The following CYTIP variants were observed in gnomAD, a reference collection of about 807,000 sequenced individuals.
The protein encoded by CYTIP is cytohesin-interacting protein.
A neutral mutation model predicts 43.8 loss-of-function variants in CYTIP; 26 were observed. That is an observed-to-expected ratio of 0.59 (90% CI 0.44 to 0.82). The LOEUF is 0.82. Among genes scored for constraint, CYTIP ranks in the 40% least tolerant of loss-of-function variants. CYTIP has a pLI of 0.00. For synonymous variants in CYTIP, 162 were observed against 162.9 expected (o/e 0.99, Z 0.04); for missense variants, 426 against 443.1 (o/e 0.96, Z 0.35).
chr2:157,435,789 T>G (rs1053169308), intron 1 of CYTIP, among the ~76,000 whole-genome samples: 1 of 152,180 alleles, frequency 6.6e-6, no homozygotes, highest in African/African-American at 2.4e-5. Flanking sequence ...GATCAATGCA[T>G]AGTCAGTCCA....
intron 6 of CYTIP, among the ~76,000 whole-genome samples, chr2:157,423,280 C>T (rs1244339744): frequency 6.6e-6 from 1 of 151,214 alleles, no homozygotes; most frequent in African/African-American, 2.4e-5. Context: ...AATAGAAAAT[C>T]CCGTAGAGAA....
At position 157,430,629 on chromosome 2, in the gene CYTIP, C is replaced by T; in HGVS notation, c.406G>A (p.Gly136Ser). 2 of 1,614,114 alleles carry T rather than the reference C, an allele frequency of 1.2e-6. No individual in the cohort carries two copies. Among genetic ancestry groups the T allele is most frequent in the Non-Finnish European group, 1.7e-6 (2 of 1,180,000 alleles). The change falls in exon 5 of 8, where the codon GGT becomes AGT. Residue 136 changes from glycine to serine, a missense_variant. By Grantham distance (56) the Gly-to-Ser change is moderately conservative (BLOSUM62 0). Coordinates refer to ENST00000264192, the MANE Select transcript of CYTIP (RefSeq NM_004288.5). The stretch of plus-strand genomic sequence containing the variant: ...TAGGTAAAACCTTCTGTGCTCACAC[C>T]ATTGATATTTGCAAGGACATCACCT... ...QAGDVLANIN[G>S]VSTEGFTYKQ...
At chr2:157,424,646 C>A (rs543558282) in intron 6 of CYTIP, among the ~76,000 whole-genome samples, 2 of 152,180 alleles carry the variant, frequency 1.3e-5, no homozygotes, top group Non-Finnish European at 2.9e-5. Flanking sequence ...GCTATGATCA[C>A]GTTGCTGCAC....
chr2:157,441,173 G>A (rs980653220), intron 1 of CYTIP, among the ~76,000 whole-genome samples: 2 of 152,172 alleles, frequency 1.3e-5, no homozygotes, highest in Admixed American at 6.5e-5. Flanking sequence ...AGCTGTTGAC[G>A]TCAGCCCTGA....
chr2:157,421,023 A>G (rs1321283709), intron 6 of CYTIP, among the ~76,000 whole-genome samples: 1 of 152,232 alleles, frequency 6.6e-6, no homozygotes, highest in African/African-American at 2.4e-5. Flanking sequence ...TGACCCAGTC[A>G]TTTCAGTATG....
intron 6 of CYTIP, among the ~76,000 whole-genome samples, chr2:157,420,227 C>T (rs1474797702): frequency 6.6e-6 from 1 of 152,056 alleles, no homozygotes; most frequent in Non-Finnish European, 1.5e-5. Context: ...TCTTAAGAGG[C>T]CGAGGAGGCT....
intron 1 of CYTIP, among the ~76,000 whole-genome samples, chr2:157,438,175 A>G (rs943751894): frequency 2.6e-5 from 4 of 152,250 alleles, no homozygotes; most frequent in Non-Finnish European, 2.9e-5. Flanking sequence ...TATATACACC[A>G]TGGAATACAA....
chr2:157,443,846 C>A lies in CYTIP; in HGVS notation c.174+1G>T, dbSNP rs1445595356. ...TAAAGGGTACAAAATAGCAATCATA[C>A]CTGCTTTCGTCCCCGAGGCAGAGTA... On this transcript the variant is annotated splice_donor_variant, in intron 1 of 7. Transcript: ENST00000264192. LOFTEE classifies it high-confidence loss of function. The A allele has an allele frequency of 1.2e-6, 2 of 1,613,724 alleles. No individual in the cohort carries two copies. The highest frequency in any genetic ancestry group is 2.7e-5 in the African/African-American group (2 of 74,884).
In CYTIP at chr2:157,418,517, A is replaced by G. The variant is rs763104365; in HGVS notation, c.613+6T>C. ...GTGTGGTTTCTGAACAGGAAATTGCATTTACCATGAAGCAGACGATGTTCC... is the reference window on the plus strand; with the variant it reads ...GTGTGGTTTCTGAACAGGAAATTGCGTTTACCATGAAGCAGACGATGTTCC... On this transcript the variant is annotated splice_donor_region_variant and intron_variant, in intron 7 of 7. Transcript: ENST00000264192. 1.1e-5 allele frequency: 17 copies of G among 1,586,942 alleles called. No individual in the cohort carries two copies. In the Admixed American group the frequency reaches 2.9e-4, roughly 27 times the overall value.
At chr2:157,443,276 C>T (rs890170005) in intron 1 of CYTIP, among the ~76,000 whole-genome samples, 2 of 151,998 alleles carry the variant, frequency 1.3e-5, no homozygotes, top group African/African-American at 4.8e-5. Flanking sequence ...AGGCAAGTGG[C>T]TTGCTCAAGA....
Position 157,416,051 on chromosome 2 carries a change from C to T in CYTIP, c.706G>A (p.Asp236Asn), listed in dbSNP as rs1479155871. ...CTCTCACTGGATAATCGATTCCGGT[C>T]CACAAGGGCTGGGCCTGGCCCAGGC... ...PLPGPGPALV[D>N]RNRLSSESSC... The change falls in exon 8 of 8, where the codon GAC (aspartate) becomes AAC (asparagine). Residue 236 changes from aspartate to asparagine, a missense_variant. Physicochemically the swap from Asp to Asn is conservative, Grantham distance 23. Coordinates refer to ENST00000264192, the MANE Select transcript of CYTIP (RefSeq NM_004288.5). The T allele has an allele frequency of 6.2e-6, 10 of 1,614,090 alleles. No homozygotes were observed. Among genetic ancestry groups the T allele is most frequent in the Middle Eastern group, 1.6e-4 (1 of 6,084 alleles).
intron 6 of CYTIP, among the ~76,000 whole-genome samples, chr2:157,426,842 G>A (rs764388260): frequency 2.6e-5 from 4 of 152,112 alleles, no homozygotes; most frequent in South Asian, 2.1e-4. Flanking sequence ...TCTCTTGGAC[G>A]CTAATTTCTT....
intron 6 of CYTIP, among the ~76,000 whole-genome samples, chr2:157,420,686 A>AT (rs1323719268): frequency 1.4e-5 from 2 of 140,928 alleles, no homozygotes; most frequent in Non-Finnish European, 3.0e-5. Context: ...AAGGACTGCT[A>AT]TGCTGCCTTA....
intron 1 of CYTIP, among the ~76,000 whole-genome samples, chr2:157,442,430 G>A (rs1427624719): frequency 6.7e-6 from 1 of 148,810 alleles, no homozygotes; most frequent in African/African-American, 2.5e-5. Context: ...ATAGAGGGTG[G>A]AAAGTTCCCA....
rs1221769474 is a variant in CYTIP at position 157,427,414 on chromosome 2, C to T, written c.483G>A (p.Glu161=). 1.2e-6 allele frequency: 2 copies of T among 1,602,504 alleles called. No individual in the cohort carries two copies. Among genetic ancestry groups the T allele is most frequent in the Non-Finnish European group, 1.7e-6 (2 of 1,176,322 alleles). ...TCAGAATCATTGTTCCATTAAGAGT[C>T]TCTATCCTGTTTTAAGGAAAAAAAA... ...IRSSGNLLTI[E]TLNGTMILKR... is the part of the protein sequence containing the mutation. The change falls in exon 6 of 8, where the codon GAG becomes GAA. Residue 161 remains glutamate, a synonymous_variant. Coordinates refer to ENST00000264192, the MANE Select transcript of CYTIP (RefSeq NM_004288.5).
intron 5 of CYTIP, 60 bp downstream of exon 5, chr2:157,430,499 T>A (rs548142718): frequency 1.6e-4 from 233 of 1,449,502 alleles, no homozygotes; most frequent in Non-Finnish European, 2.1e-4. Flanking sequence ...TATTCACTCA[T>A]CAGGCTTTAT....
At chr2:157,418,061 G>A (rs991000423) in intron 7 of CYTIP, among the ~76,000 whole-genome samples, 2 of 152,188 alleles carry the variant, frequency 1.3e-5, no homozygotes, top group African/African-American at 4.8e-5. Context: ...TGGGGGCCAT[G>A]AAAAAGAATT....
intron 3 of CYTIP, among the ~76,000 whole-genome samples, chr2:157,431,730 C>T (rs1685716766): frequency 6.6e-6 from 1 of 152,076 alleles, no homozygotes; most frequent in Non-Finnish European, 1.5e-5. Flanking sequence ...AAGTCTAGTT[C>T]CACTTAGAAG....
chr2:157,434,799 TA>T lies in CYTIP; in HGVS notation c.175-53del, dbSNP rs779647719. 1.1e-4 allele frequency: 129 copies of T among 1,199,700 alleles called. No homozygotes were observed. In the Middle Eastern group the frequency reaches 1.3e-3, roughly 12 times the overall value. 74.3% of individuals were successfully genotyped at this position (1,199,700 alleles called of 1,614,324 possible). Reference sequence around the variant, plus strand: ...ATCCCAGGGTCTTCAAGATACACTGTAAAATGTTCTAAATCTCTCTCTCTCT... The same window carrying T: ...ATCCCAGGGTCTTCAAGATACACTGTAAATGTTCTAAATCTCTCTCTCTCT... On this transcript the variant is annotated intron_variant, in intron 1 of 7. Transcript: ENST00000264192.
Sources: gnomAD v4.1 joint callset for allele counts (sites outside exome capture counted in the v4.1 genomes callset) on GRCh38, gnomAD v4.1.1 for gene constraint, MANE v1.5 for transcripts, NCBI Gene and HGNC (gene_info 2026-07-23, HGNC 2026-07-21) for gene names.